The following FRMD4A variants were observed in gnomAD, a reference collection of about 807,000 sequenced individuals.
FRMD4A encodes FERM domain-containing protein 4A.
FRMD4A carries 29 observed loss-of-function variants against 129.1 expected under a neutral mutation model. The observed-to-expected ratio is 0.22, with a 90% CI of 0.17 to 0.31. The LOEUF is 0.31. FRMD4A is among the 10% of genes least tolerant of loss of function. The pLI is 1.00. For missense variants in FRMD4A, 1,272 were observed against 1,375.8 expected, an observed-to-expected ratio of 0.92 and a Z score of 1.19; for synonymous variants, 634 against 571.6, an observed-to-expected ratio of 1.11 and a Z score of -1.56.
chr10:14,273,863 AC>A (rs1206925596), intron 2 of FRMD4A, among the ~76,000 whole-genome samples: 1 of 152,174 alleles, frequency 6.6e-6, no homozygotes, highest in Non-Finnish European at 1.5e-5. Flanking sequence ...ATCAACAAAC[AC>A]TTTTGAGCAC....
chr10:14,053,018 T>C (rs951628143), intron 2 of FRMD4A, among the ~76,000 whole-genome samples: 1 of 152,094 alleles, frequency 6.6e-6, no homozygotes. Flanking sequence ...GCGGATCATA[T>C]TTCAATAAGA....
At chr10:13,782,723 T>C (rs2092768105) in intron 6 of FRMD4A, among the ~76,000 whole-genome samples, 199 bp downstream of exon 6, 1 of 152,216 alleles carries the variant, frequency 6.6e-6, no homozygotes, top group Admixed American at 6.5e-5. Context: ...ATTACAGGCG[T>C]GAGCCAGCGC....
intron 2 of FRMD4A, among the ~76,000 whole-genome samples, chr10:14,113,425 T>C (rs1204375853): frequency 1.3e-5 from 2 of 152,204 alleles, no homozygotes; most frequent in African/African-American, 4.8e-5. Context: ...ACATTTTCTT[T>C]TCTCTAGCTT....
chr10:14,278,402 T>C (rs1037886706), intron 2 of FRMD4A, among the ~76,000 whole-genome samples: 1 of 152,208 alleles, frequency 6.6e-6, no homozygotes, highest in Non-Finnish European at 1.5e-5. Flanking sequence ...TGGCTTGAAA[T>C]GCCATCAGTG....
At chr10:14,148,572 G>A (rs1840190969) in intron 2 of FRMD4A, among the ~76,000 whole-genome samples, 1 of 152,104 alleles carries the variant, frequency 6.6e-6, no homozygotes, top group African/African-American at 2.4e-5. Flanking sequence ...GACCAGCCTG[G>A]CCAACATGGT....
chr10:13,801,547 C>T (rs891830834), intron 4 of FRMD4A, among the ~76,000 whole-genome samples: 23 of 152,168 alleles, frequency 1.5e-4, no homozygotes, highest in Non-Finnish European at 2.6e-4. Flanking sequence ...TTGTAGAAGT[C>T]TCTCAATGAA....
intron 2 of FRMD4A, among the ~76,000 whole-genome samples, chr10:14,220,964 T>A (rs570704818): frequency 6.6e-6 from 1 of 151,752 alleles, no homozygotes; most frequent in Non-Finnish European, 1.5e-5. Context: ...ACCTGACTAT[T>A]TAGGCTGGAC....
intron 2 of FRMD4A, among the ~76,000 whole-genome samples, chr10:14,053,416 A>T (rs1834358130): frequency 1.3e-5 from 2 of 152,180 alleles, no homozygotes; most frequent in African/African-American, 4.8e-5. Flanking sequence ...CCTGAAAACC[A>T]TGTTAATCTT....
At chr10:13,665,634 T>C (rs2082966895) in intron 18 of FRMD4A, among the ~76,000 whole-genome samples, 1 of 152,152 alleles carries the variant, frequency 6.6e-6, no homozygotes, top group African/African-American at 2.4e-5. Context: ...GCTCTTGGGA[T>C]AGGAGGCCCC....
chr10:14,326,580 A>C (rs1843284631), intron 2 of FRMD4A: 1 of 352,712 alleles, frequency 2.8e-6, no homozygotes, highest in South Asian at 1.5e-4. Context: ...GTTAATTTCC[A>C]TTAAAAACTA....
intron 18 of FRMD4A, among the ~76,000 whole-genome samples, chr10:13,664,123 T>A (rs4750393): frequency 0.69 from 105,271 of 152,072 alleles, 38,631 homozygotes; most frequent in Non-Finnish European, 0.81. Flanking sequence ...AACTGAGGGG[T>A]AGGAAGGGAA....
intron 17 of FRMD4A, among the ~76,000 whole-genome samples, chr10:13,669,133 C>G (rs1320025619): frequency 1.4e-5 from 2 of 143,012 alleles, no homozygotes; most frequent in African/African-American, 5.2e-5. Flanking sequence ...GCAACCTTGG[C>G]TCACCGCAAC....
chr10:14,217,075 T>G (rs1414808589), intron 2 of FRMD4A, among the ~76,000 whole-genome samples: 1 of 152,348 alleles, frequency 6.6e-6, no homozygotes, highest in East Asian at 1.9e-4. Flanking sequence ...CAAGATCACC[T>G]TCACTTCTCT....
At chr10:13,874,097 T>G (rs150651107) in intron 2 of FRMD4A, among the ~76,000 whole-genome samples, 29 of 151,132 alleles carry the variant, frequency 1.9e-4, no homozygotes, top group African/African-American at 7.0e-4. Context: ...AATACAAAAA[T>G]TAGCTGGGCT....
chr10:14,147,825 G>A (rs1006142358), intron 2 of FRMD4A, among the ~76,000 whole-genome samples: 12 of 152,152 alleles, frequency 7.9e-5, no homozygotes, highest in African/African-American at 2.9e-4. Flanking sequence ...CCCTGCTGTA[G>A]AGTGCTGTTG....
chr10:13,874,002 T>C (rs1036469198), intron 2 of FRMD4A, among the ~76,000 whole-genome samples: 2 of 151,248 alleles, frequency 1.3e-5, no homozygotes, highest in African/African-American at 2.4e-5. Flanking sequence ...ATCCCAGCAC[T>C]TTGGGAGGCC....
intron 2 of FRMD4A, among the ~76,000 whole-genome samples, chr10:13,931,607 G>A (rs904036219): frequency 1.3e-5 from 2 of 152,098 alleles, no homozygotes; most frequent in East Asian, 1.9e-4. Context: ...CACATCTCAC[G>A]TGGGGTGTAA....
chr10:13,706,995 A>G, intron 13 of FRMD4A, 42 bp downstream of exon 13: 1 of 1,026,674 alleles, frequency 9.7e-7, no homozygotes, highest in Non-Finnish European at 1.6e-6. Context: ...CGCCCGGCCG[A>G]GAGCCACGCC....
intron 17 of FRMD4A, 60 bp from the exon 18 acceptor site, chr10:13,666,385 C>T: frequency 2.6e-6 from 3 of 1,149,780 alleles, no homozygotes; most frequent in South Asian, 2.5e-5. Flanking sequence ...AGACCCTCAT[C>T]CTTCCCTCCC....
Sources: gnomAD v4.1 joint callset for allele counts (sites outside exome capture counted in the v4.1 genomes callset) on GRCh38, gnomAD v4.1.1 for gene constraint, MANE v1.5 for transcripts, NCBI Gene and HGNC (gene_info 2026-07-23, HGNC 2026-07-21) for gene names.